The following NHLRC2 variants were observed in gnomAD, a reference collection of about 807,000 sequenced individuals.
The protein encoded by NHLRC2 is NHL repeat containing 2.
NHLRC2 carries 33 observed loss-of-function variants against 68.1 expected under a neutral mutation model. The observed-to-expected ratio is 0.48, with a 90% CI of 0.37 to 0.65. The LOEUF (loss-of-function observed/expected upper bound fraction) is 0.65, where lower values mean the gene tolerates loss of function less well. NHLRC2 is among the 30% of genes least tolerant of loss of function. The probability of loss-of-function intolerance (pLI) is 0.00; values close to 1 mark genes in which losing one functional copy is unlikely to be tolerated. For missense variants in NHLRC2, 761 were observed against 853.8 expected (o/e 0.89, Z 1.35); for synonymous variants, 311 against 309.6 (o/e 1.00, Z -0.05).
At chr10:113,906,406 T>G (rs1201522570) in intron 10 of NHLRC2, among the ~76,000 whole-genome samples, 1 of 152,170 alleles carries the variant, frequency 6.6e-6, no homozygotes, top group Non-Finnish European at 1.5e-5. Context: ...TTTTTGAATA[T>G]TATAGAGTAC....
chr10:113,879,401 G>A (rs1846016671), intron 3 of NHLRC2, among the ~76,000 whole-genome samples, 173 bp from the exon 4 acceptor site: 1 of 152,108 alleles, frequency 6.6e-6, no homozygotes, highest in South Asian at 2.1e-4. Context: ...TATGAGCCCT[G>A]TCATTAGCAA....
intron 9 of NHLRC2, among the ~76,000 whole-genome samples, chr10:113,904,491 A>G (rs752412371): frequency 3.5e-4 from 54 of 152,330 alleles, no homozygotes; most frequent in Non-Finnish European, 4.7e-4. Flanking sequence ...ATAGTTGACA[A>G]TGAAAATTAT....
In NHLRC2 at chr10:113,915,444, AT is replaced by A; in HGVS notation, c.*6914del. The A allele has an allele frequency of 2.9e-6, 1 of 347,748 alleles. No homozygotes were observed. The highest frequency in any genetic ancestry group is 5.6e-6 in the Non-Finnish European group (1 of 177,310). The allele number at this position is 347,748 out of a possible 1,614,324, so 21.5% of individuals were successfully genotyped here. A position where few individuals can be genotyped will look rare whatever the true frequency, so the allele number is the denominator to read the frequency against. On this transcript the variant is annotated 3_prime_UTR_variant, in exon 11 of 11. Coordinates refer to ENST00000369301, the MANE Select transcript of NHLRC2 (RefSeq NM_198514.4). ...TATAGCATTAAGCAAATGGTCAGTT[AT>A]TTTTTAATGTTGAAAACTTCCAAGT...
Position 113,904,866 on chromosome 10 carries a change from T to C in NHLRC2, c.1754T>C (p.Val585Ala), listed in dbSNP as rs753530115. Residue 585 changes from valine to alanine, a missense_variant, in exon 10 of 11, where the codon GTA becomes GCA. Val to Ala is a moderately conservative substitution (Grantham distance 64). Coordinates refer to ENST00000369301, the MANE Select transcript of NHLRC2 (RefSeq NM_198514.4). ...GCTGTGGTAGATGGCCCGTTCCTAG[T>C]AGAAAAACAGAAGACATTACCCAAA... The part of the protein sequence containing the change: ...ENAVVDGPFL[V>A]EKQKTLPKLP... 1 of 1,613,376 alleles carries C rather than the reference T, an allele frequency of 6.2e-7. No homozygotes were observed. Among genetic ancestry groups the C allele is most frequent in the Non-Finnish European group, 8.5e-7 (1 of 1,179,764 alleles).
intron 2 of NHLRC2, among the ~76,000 whole-genome samples, chr10:113,865,455 G>A (rs140622458): frequency 3.4e-4 from 51 of 151,852 alleles, no homozygotes; most frequent in African/African-American, 1.1e-3. Flanking sequence ...TTAGATTACC[G>A]TAGAACTTTT....
At chr10:113,886,459 G>A (rs1846083388) in intron 5 of NHLRC2, among the ~76,000 whole-genome samples, 1 of 152,014 alleles carries the variant, frequency 6.6e-6, no homozygotes, top group South Asian at 2.1e-4. Context: ...GAACAAAGCT[G>A]GAAGCATCAC....
Position 113,902,496 on chromosome 10 carries a change from A to G in NHLRC2, c.1397A>G (p.Asp466Gly), listed in dbSNP as rs770399731. ...PMNLFAFGDVDGVGINAKLQH... is the reference protein window; with the variant it reads ...PMNLFAFGDVGGVGINAKLQH... ...AATTTATTTGCTTTTGGTGATGTTG[A>G]TGGAGTAGGAATCAATGCAAAGCTT... is the stretch of plus-strand genomic sequence containing the variant. Residue 466 changes from aspartate (D) to glycine (G), a missense_variant, in exon 8 of 11, where the codon GAT becomes GGT. Transcript: ENST00000369301. 5 of 1,583,844 alleles carry G rather than the reference A, an allele frequency of 3.2e-6. No homozygotes were observed. The highest frequency in any genetic ancestry group is 4.3e-6 in the Non-Finnish European group (5 of 1,167,298).
chr10:113,883,635 T>A (rs564534666), intron 4 of NHLRC2, among the ~76,000 whole-genome samples: 1 of 152,028 alleles, frequency 6.6e-6, no homozygotes, highest in Non-Finnish European at 1.5e-5. Context: ...CCCAGTAGAA[T>A]ACATTAGTTT....
Position 113,911,561 on chromosome 10 carries a change from A to G in NHLRC2, c.*3025A>G, listed in dbSNP as rs576326209. ...ATTATTCATGATTCTTTTATGGCCAATATACTTTTGAGCTTGTATAACTGA... is the reference window on the plus strand; with the variant it reads ...ATTATTCATGATTCTTTTATGGCCAGTATACTTTTGAGCTTGTATAACTGA... On this transcript the variant is annotated 3_prime_UTR_variant, in exon 11 of 11. Transcript: ENST00000369301. The G allele has an allele frequency of 2.6e-5, 4 of 152,258 alleles. No homozygotes were observed. In the East Asian group the frequency reaches 5.8e-4, roughly 22 times the overall value. The allele number at this position is 152,258 out of a possible 1,614,324, so 9.4% of individuals were successfully genotyped here.
In NHLRC2 at chr10:113,904,949, ACTCTTC is replaced by A. The variant is rs768512628; in HGVS notation, c.1838_1843del (p.Thr613_Gln615delinsLys). 1 of 1,587,892 alleles carries A rather than the reference ACTCTTC, an allele frequency of 6.3e-7. No homozygotes were observed. Among genetic ancestry groups the A allele is most frequent in the South Asian group, 1.2e-5 (1 of 86,446 alleles). ...CCCCGTGACTGCGTGTGCTGGCCAGACTCTTCAGTTCAAACTCAGATTAGACCTCCC... is the reference window on the plus strand; with the variant it reads ...CCCCGTGACTGCGTGTGCTGGCCAGAAGTTCAAACTCAGATTAGACCTCCC... On this transcript the variant is annotated inframe_deletion, in exon 10 of 11. Coordinates refer to ENST00000369301, the MANE Select transcript of NHLRC2 (RefSeq NM_198514.4).
chr10:113,905,179 C>T, intron 10 of NHLRC2, 143 bp downstream of exon 10: 1 of 449,228 alleles, frequency 2.2e-6, no homozygotes, highest in Non-Finnish European at 3.9e-6. Flanking sequence ...GATCCAACCC[C>T]ACATTGGCCA....
At chr10:113,867,521 G>A (rs534477329) in intron 2 of NHLRC2, among the ~76,000 whole-genome samples, 2 of 152,232 alleles carry the variant, frequency 1.3e-5, no homozygotes, top group Admixed American at 6.5e-5. Flanking sequence ...GTATAAAAAC[G>A]AAAATTTTCC....
rs567543392 is a variant in NHLRC2 at position 113,909,371 on chromosome 10, A to C, written c.*835A>C. ...GATAAATAATTTATTGTGACAGCTA[A>C]ATCTGATGGTTACATATCTTGTTTT... On this transcript the variant is annotated 3_prime_UTR_variant, in exon 11 of 11. Transcript: ENST00000369301. 6.6e-6 allele frequency: 1 copy of C among 152,266 alleles called. No individual in the cohort carries two copies. Among genetic ancestry groups the C allele is most frequent in the South Asian group, 2.1e-4 (1 of 4,816 alleles). The allele number at this position is 152,266 out of a possible 1,614,324, so 9.4% of individuals were successfully genotyped here. A position where few individuals can be genotyped will look rare whatever the true frequency, so the allele number is the denominator to read the frequency against.
intron 2 of NHLRC2, among the ~76,000 whole-genome samples, chr10:113,861,852 AT>A (rs1845819056): frequency 6.6e-6 from 1 of 152,052 alleles, no homozygotes; most frequent in South Asian, 2.1e-4. Context: ...AGCTAATGTT[AT>A]TGTAACATCA....
chr10:113,888,888 G>A, intron 5 of NHLRC2, among the ~76,000 whole-genome samples: 1 of 148,450 alleles, frequency 6.7e-6, no homozygotes, highest in South Asian at 2.1e-4. Context: ...GTGCAGTGAC[G>A]TGATCTCGGC....
intron 2 of NHLRC2, 51 bp from the exon 3 acceptor site, chr10:113,876,470 A>T: frequency 9.2e-7 from 1 of 1,091,688 alleles, no homozygotes; most frequent in Non-Finnish European, 1.3e-6. Flanking sequence ...AGATGATGAT[A>T]TTCAAACTTA....
chr10:113,915,021 G>A lies in NHLRC2; in HGVS notation c.*6485G>A, dbSNP rs1349506444. ...GTGGAACAGGAGGCAGCCCCACTCGGCTTTTCTGATTGCATCCCACCTGTT... is the reference window on the plus strand; with the variant it reads ...GTGGAACAGGAGGCAGCCCCACTCGACTTTTCTGATTGCATCCCACCTGTT... On this transcript the variant is annotated 3_prime_UTR_variant, in exon 11 of 11. Transcript: ENST00000369301. 19 of 456,230 alleles carry A rather than the reference G, an allele frequency of 4.2e-5. No individual in the cohort carries two copies. The highest frequency in any genetic ancestry group is 7.0e-5 in the Non-Finnish European group (16 of 226,958). The allele number at this position is 456,230 out of a possible 1,614,324, so 28.3% of individuals were successfully genotyped here.
chr10:113,879,523 T>A (rs1439504164), intron 3 of NHLRC2, 51 bp from the exon 4 acceptor site: 1 of 1,504,902 alleles, frequency 6.6e-7, no homozygotes, highest in Non-Finnish European at 9.0e-7. Context: ...TTGTTTTGTT[T>A]TGTTTTACCT....
intron 3 of NHLRC2, among the ~76,000 whole-genome samples, chr10:113,877,995 G>A (rs1846000385): frequency 1.3e-5 from 2 of 152,194 alleles, no homozygotes; most frequent in South Asian, 4.1e-4. Flanking sequence ...TTTCAAAATA[G>A]TGTAGGTGAA....
Sources: gnomAD v4.1 joint callset for allele counts (sites outside exome capture counted in the v4.1 genomes callset) on GRCh38, gnomAD v4.1.1 for gene constraint, MANE v1.5 for transcripts, NCBI Gene and HGNC (gene_info 2026-07-23, HGNC 2026-07-21) for gene names.